Variants in HYDIN observed in about 807,000 individuals in gnomAD.
The protein encoded by HYDIN is HYDIN axonemal central pair apparatus protein, also known as axonemal central pair apparatus protein HYDIN.
Under a neutral mutation model 403.9 loss-of-function variants are expected in HYDIN, and 132 were observed. That is an observed-to-expected ratio of 0.33 (90% confidence interval 0.28 to 0.38). The LOEUF (loss-of-function observed/expected upper bound fraction) is 0.38. HYDIN is among the 10% of genes least tolerant of loss of function. The pLI is 1.00. For missense variants in HYDIN, 2,827 were observed against 5,009.5 expected, an observed-to-expected ratio of 0.56 and a Z score of 13.15; for synonymous variants, 1,202 against 1,891.7, an observed-to-expected ratio of 0.64 and a Z score of 9.46.
chr16:71,179,931 GCA>G (rs1252198073), intron 3 of HYDIN, among the ~76,000 whole-genome samples: 1 of 152,134 alleles, frequency 6.6e-6, no homozygotes, highest in Non-Finnish European at 1.5e-5. Flanking sequence ...GGGCACCTTG[GCA>G]CACAGTTTGA....
intron 2 of HYDIN, among the ~76,000 whole-genome samples, chr16:71,186,527 C>T (rs1403313126): frequency 6.6e-6 from 1 of 152,126 alleles, no homozygotes; most frequent in Non-Finnish European, 1.5e-5. Context: ...TAAAGTCTCA[C>T]TTCAACTGAT....
chr16:71,197,765 T>G (rs2087777221), intron 1 of HYDIN, among the ~76,000 whole-genome samples: 1 of 152,236 alleles, frequency 6.6e-6, no homozygotes, highest in Non-Finnish European at 1.5e-5. Context: ...TTTGTTTGTT[T>G]GTTTGAGACA....
chr16:71,030,952 G>C (rs2080884583), intron 19 of HYDIN, among the ~76,000 whole-genome samples: 1 of 151,986 alleles, frequency 6.6e-6, no homozygotes, highest in African/African-American at 2.4e-5. Context: ...TGTAATCCCA[G>C]CACTTTGGGA....
chr16:70,977,116 A>G (rs992249507), intron 30 of HYDIN, among the ~76,000 whole-genome samples: 2 of 151,766 alleles, frequency 1.3e-5, no homozygotes, highest in Non-Finnish European at 2.9e-5. Flanking sequence ...AGGCTTTGAT[A>G]AGGTGCAGCC....
intron 1 of HYDIN, among the ~76,000 whole-genome samples, chr16:71,205,503 C>A (rs1722308411): frequency 6.6e-6 from 1 of 152,320 alleles, no homozygotes; most frequent in East Asian, 1.9e-4. Context: ...AGGGGTAATT[C>A]CGAGTCCAAG....
rs1555536429 is a variant in HYDIN, at chr16:70,826,745, C to CTCTCTCTG, written c.14427+515_14427+516insCAGAGAGA. On this transcript the variant is annotated intron_variant, in intron 83 of 85. Coordinates refer to ENST00000393567, the MANE Select transcript of HYDIN (RefSeq NM_001270974.2). ...TCTCTCTCTCTCTCTCTCTCTCTCT[C>CTCTCTCTG]TGTGTGTGTGTTCCTAGATACTTTC... 6.5e-5 allele frequency among the ~76,000 whole-genome samples: 8 copies of CTCTCTCTG among 122,716 alleles called. No homozygotes were observed. The South Asian group carries it at 2.0e-3, about 31-fold the overall frequency. 80.5% of individuals were successfully genotyped at this position (122,716 alleles called of 152,430 possible).
In HYDIN at chr16:70,805,526, A is replaced by T. The variant is rs1353622113; in HGVS notation, c.*2054T>A. ...CTCAAGCCCCACCCAAATCTCCTAG[A>T]TCGGACTTCCTGAGGGTGGGGCTCA... On this transcript the variant is annotated 3_prime_UTR_variant, in exon 86 of 86. Coordinates refer to ENST00000393567, the MANE Select transcript of HYDIN (RefSeq NM_001270974.2). Among the ~76,000 whole-genome samples, 1 of 152,222 alleles carries T rather than the reference A, an allele frequency of 6.6e-6. No individual in the cohort carries two copies. Among genetic ancestry groups the T allele is most frequent in the Non-Finnish European group, 1.5e-5 (1 of 68,042 alleles).
intron 37 of HYDIN, among the ~76,000 whole-genome samples, chr16:70,962,965 C>G (rs565069642): frequency 6.6e-6 from 1 of 151,862 alleles, no homozygotes; most frequent in African/African-American, 2.4e-5. Flanking sequence ...TCTGCACCCA[C>G]TGATCCTGGC....
chr16:71,016,314 TAAATAGA>T (rs1188274194), intron 23 of HYDIN, among the ~76,000 whole-genome samples: 2 of 151,408 alleles, frequency 1.3e-5, no homozygotes, highest in Non-Finnish European at 2.9e-5. Context: ...GCTAAGGACT[TAAATAGA>T]CATTTCTCCA....
chr16:71,180,742 C>A (rs908031820), intron 3 of HYDIN, among the ~76,000 whole-genome samples: 1 of 151,988 alleles, frequency 6.6e-6, no homozygotes, highest in Non-Finnish European at 1.5e-5. Flanking sequence ...TACTAGAAAT[C>A]AAACAAGAAG....
intron 1 of HYDIN, among the ~76,000 whole-genome samples, chr16:71,218,683 G>A (rs1249321050): frequency 2.6e-5 from 4 of 152,140 alleles, no homozygotes; most frequent in Non-Finnish European, 5.9e-5. Flanking sequence ...TTTGGCAACT[G>A]ACAACCCACC....
intron 47 of HYDIN, 69 bp from the exon 48 acceptor site, chr16:70,908,930 G>A: frequency 5.7e-6 from 9 of 1,575,252 alleles, no homozygotes; most frequent in Non-Finnish European, 7.8e-6. Context: ...GACAGAGATG[G>A]CCACATGTCT....
chr16:71,194,102 T>C (rs2087571241), intron 1 of HYDIN, among the ~76,000 whole-genome samples: 1 of 152,224 alleles, frequency 6.6e-6, no homozygotes, highest in Non-Finnish European at 1.5e-5. Context: ...TAAAAATGTT[T>C]TCCCCCAGTT....
intron 47 of HYDIN, among the ~76,000 whole-genome samples, chr16:70,911,216 G>GTTA (rs1378682146): frequency 1.7e-5 from 2 of 120,370 alleles, no homozygotes; most frequent in Middle Eastern, 4.3e-3. Context: ...TTTTTCCAAT[G>GTTA]TTATCTTCTA....
intron 73 of HYDIN, among the ~76,000 whole-genome samples, chr16:70,851,617 A>G (rs575925448): frequency 4.5e-4 from 68 of 151,484 alleles, no homozygotes; most frequent in African/African-American, 1.5e-3. Context: ...ACACTTATAC[A>G]CTATTGGTGG....
intron 16 of HYDIN, 86 bp from the exon 17 acceptor site, chr16:71,062,419 C>T: frequency 3.6e-6 from 4 of 1,115,602 alleles, no homozygotes; most frequent in Non-Finnish European, 5.1e-6. Flanking sequence ...TTTCCTGAGT[C>T]CGTAGAGGTG....
intron 73 of HYDIN, 72 bp downstream of exon 73, chr16:70,855,056 A>C: frequency 2.7e-6 from 2 of 733,890 alleles, no homozygotes; most frequent in East Asian, 5.1e-5. Context: ...GGGCACTGTA[A>C]GCACTGGCAG....
chr16:70,809,686 T>G, intron 85 of HYDIN, 97 bp downstream of exon 85: 2 of 972,156 alleles, frequency 2.1e-6, no homozygotes, highest in Non-Finnish European at 1.6e-6. Flanking sequence ...TGAGTCTCTC[T>G]GAGTCTCACA....
At chr16:70,979,543 T>G (rs932837978) in intron 29 of HYDIN, among the ~76,000 whole-genome samples, 1 of 152,044 alleles carries the variant, frequency 6.6e-6, no homozygotes, top group Non-Finnish European at 1.5e-5. Context: ...TCAGGGAGGG[T>G]AGGTAATCGG....
Sources: gnomAD v4.1 joint callset for allele counts (sites outside exome capture counted in the v4.1 genomes callset) on GRCh38, gnomAD v4.1.1 for gene constraint, MANE v1.5 for transcripts, NCBI Gene and HGNC (gene_info 2026-07-23, HGNC 2026-07-21) for gene names.